FARS2: variants seen among roughly 807,000 people sequenced by gnomAD.
FARS2 encodes the protein phenylalanyl-tRNA synthetase 2, mitochondrial.
In FARS2, 40 loss-of-function variants were observed where a neutral mutation model predicts 46.4. That is an observed-to-expected ratio of 0.86 (90% confidence interval 0.67 to 1.12). The LOEUF is 1.12. Ranked by LOEUF, FARS2 falls within the 50% of genes most tolerant of loss-of-function variation. The pLI, the probability that FARS2 is intolerant of heterozygous loss-of-function variation, is 0.00. For missense variants in FARS2, 513 were observed against 567.9 expected (o/e 0.90, Z 0.98); for synonymous variants, 234 against 214.9 (o/e 1.09, Z -0.78).
chr6:5,495,032 G>T (rs995014811), intron 4 of FARS2, among the ~76,000 whole-genome samples: 3 of 152,182 alleles, frequency 2.0e-5, no homozygotes, highest in African/African-American at 7.2e-5. Flanking sequence ...GCTGTGTGAG[G>T]TTGAACATTG....
chr6:5,593,302 A>G (rs2013292), intron 5 of FARS2, among the ~76,000 whole-genome samples: 21 of 144,862 alleles, frequency 1.4e-4, no homozygotes, highest in East Asian at 3.9e-4. Flanking sequence ...TCCCGCCCCC[A>G]CCGGCCTCTG....
chr6:5,376,355 G>A (rs1398252646), intron 2 of FARS2, among the ~76,000 whole-genome samples: 4 of 152,116 alleles, frequency 2.6e-5, no homozygotes, highest in Admixed American at 2.0e-4. Flanking sequence ...TCCAAACTCA[G>A]CAGATTAGCA....
chr6:5,446,681 G>C (rs1384392122), intron 4 of FARS2, among the ~76,000 whole-genome samples: 10 of 152,168 alleles, frequency 6.6e-5, no homozygotes, highest in Admixed American at 6.5e-4. Context: ...AGTCTGAGTA[G>C]TTTAGACGAC....
chr6:5,735,810 TG>T (rs1760907361), intron 6 of FARS2, among the ~76,000 whole-genome samples: 1 of 152,200 alleles, frequency 6.6e-6, no homozygotes, highest in Non-Finnish European at 1.5e-5. Flanking sequence ...GCTGTGGGGC[TG>T]GACCTGTCTG....
At chr6:5,314,009 C>T (rs998701438) in intron 1 of FARS2, among the ~76,000 whole-genome samples, 24 of 152,222 alleles carry the variant, frequency 1.6e-4, no homozygotes, top group Admixed American at 1.6e-3. Flanking sequence ...CATTTGGGCA[C>T]CTCTGAGCCA....
At chr6:5,539,218 T>C (rs893304460) in intron 4 of FARS2, among the ~76,000 whole-genome samples, 1 of 151,354 alleles carries the variant, frequency 6.6e-6, no homozygotes, top group Non-Finnish European at 1.5e-5. Context: ...TTTCTTTTTT[T>C]TTTTTGAGAC....
At chr6:5,562,715 C>CAG (rs1044331889) in intron 5 of FARS2, among the ~76,000 whole-genome samples, 2 of 151,912 alleles carry the variant, frequency 1.3e-5, no homozygotes, top group African/African-American at 4.8e-5. Flanking sequence ...CACACACACA[C>CAG]ACACACACAC....
At position 5,442,348 on chromosome 6, in the gene FARS2, GCTTTT is replaced by G. The variant is rs1422673774; in HGVS notation, c.904+11182_904+11186del. ...TGCAATTATATTCTTCAGGTTTGTGGCTTTTCTTTTTCTGTTCTTTTTTTAAGTTG... is the reference window on the plus strand; with the variant it reads ...TGCAATTATATTCTTCAGGTTTGTGGCTTTTTCTGTTCTTTTTTTAAGTTG... On this transcript the variant is annotated intron_variant, in intron 4 of 6. Transcript: ENST00000274680. 2.7e-5 allele frequency among the ~76,000 whole-genome samples: 4 copies of G among 150,284 alleles called. No homozygotes were observed. The East Asian group carries it at 7.8e-4, about 29-fold the overall frequency.
chr6:5,369,463 T>C (rs1455289265), intron 2 of FARS2, among the ~76,000 whole-genome samples: 4 of 152,228 alleles, frequency 2.6e-5, no homozygotes, highest in East Asian at 1.9e-4. Flanking sequence ...GGGTTACTTC[T>C]TATGAATGGA....
intron 4 of FARS2, among the ~76,000 whole-genome samples, chr6:5,436,716 AC>A (rs1763541137): frequency 6.6e-6 from 1 of 152,188 alleles, no homozygotes; most frequent in Non-Finnish European, 1.5e-5. Flanking sequence ...CAGATGTGTG[AC>A]TAGTAATTAC....
At chr6:5,419,270 A>C (rs1011204982) in intron 3 of FARS2, among the ~76,000 whole-genome samples, 1 of 152,236 alleles carries the variant, frequency 6.6e-6, no homozygotes, top group East Asian at 1.9e-4. Context: ...AGAACACATC[A>C]GTGAATTGTG....
intron 4 of FARS2, among the ~76,000 whole-genome samples, chr6:5,509,534 G>A (rs774184470): frequency 2.2e-4 from 33 of 152,190 alleles, no homozygotes; most frequent in Non-Finnish European, 3.8e-4. Context: ...GGGCAGACTC[G>A]ATGGGCATAG....
chr6:5,287,381 C>T (rs1278676008), intron 1 of FARS2, among the ~76,000 whole-genome samples: 9 of 152,154 alleles, frequency 5.9e-5, no homozygotes, highest in South Asian at 2.1e-4. Context: ...GAACTGCTCA[C>T]GGAGGTGTCC....
intron 1 of FARS2, among the ~76,000 whole-genome samples, chr6:5,336,200 C>T (rs1043834545): frequency 2.0e-5 from 3 of 151,364 alleles, no homozygotes; most frequent in Admixed American, 2.0e-4. Flanking sequence ...GACAAATAAA[C>T]TGAAAGGTAA....
intron 3 of FARS2, among the ~76,000 whole-genome samples, chr6:5,424,802 T>A (rs1762755475): frequency 1.3e-5 from 2 of 152,178 alleles, no homozygotes; most frequent in Admixed American, 6.5e-5. Flanking sequence ...TATAAAAGAA[T>A]GCTGTTAGAG....
At chr6:5,329,045 G>T (rs142635610) in intron 1 of FARS2, among the ~76,000 whole-genome samples, 129 of 151,984 alleles carry the variant, frequency 8.5e-4, no homozygotes, top group Admixed American at 2.1e-3. Flanking sequence ...GTGGTGGGTA[G>T]GTTCTGTGGT....
At chr6:5,405,130 G>A (rs887563135) in intron 3 of FARS2, among the ~76,000 whole-genome samples, 2 of 152,010 alleles carry the variant, frequency 1.3e-5, no homozygotes, top group African/African-American at 4.8e-5. Flanking sequence ...GAGATGTCTT[G>A]GGGATGGGAG....
At chr6:5,304,509 C>T (rs1282863362) in intron 1 of FARS2, among the ~76,000 whole-genome samples, 4 of 152,140 alleles carry the variant, frequency 2.6e-5, no homozygotes, top group African/African-American at 9.7e-5. Flanking sequence ...GCTTCTAAAA[C>T]GTATTGGCAG....
chr6:5,606,512 T>C (rs1356878628), intron 5 of FARS2, among the ~76,000 whole-genome samples: 1 of 152,044 alleles, frequency 6.6e-6, no homozygotes, highest in East Asian at 1.9e-4. Flanking sequence ...AACTGTTGAA[T>C]GATACTTATC....
Sources: allele counts gnomAD v4.1 joint callset (sites outside exome capture counted in the v4.1 genomes callset), GRCh38; gene constraint gnomAD v4.1.1; transcripts MANE v1.5; gene names NCBI Gene and HGNC (gene_info 2026-07-23, HGNC 2026-07-21).